SDC3: variants seen among roughly 807,000 people sequenced by gnomAD.
The protein encoded by SDC3 is syndecan 3.
In SDC3, 13 loss-of-function variants were observed where a neutral mutation model predicts 24.4. The ratio of observed to expected loss-of-function variants is 0.53; its 90% CI spans 0.35 to 0.85. The LOEUF is 0.85. Among genes scored for constraint, SDC3 ranks in the 40% least tolerant of loss-of-function variants. SDC3 has a pLI of 0.01. For missense variants in SDC3, 571 were observed against 584.5 expected (o/e 0.98, Z 0.24); for synonymous variants, 295 against 260.9 (o/e 1.13, Z -1.26).
At chr1:30,879,556 C>T (rs941061713) in intron 1 of SDC3, among the ~76,000 whole-genome samples, 3 of 152,162 alleles carry the variant, frequency 2.0e-5, no homozygotes, top group Admixed American at 6.5e-5. Context: ...CCCTCCACAA[C>T]CTGAACCAGC....
intron 1 of SDC3, among the ~76,000 whole-genome samples, chr1:30,889,534 G>A (rs1270537022): frequency 2.0e-5 from 3 of 152,174 alleles, no homozygotes; most frequent in Non-Finnish European, 4.4e-5. Context: ...CTTGGTGGGG[G>A]TTGTTCTAGA....
chr1:30,907,223 G>C (rs1258277536), intron 1 of SDC3, among the ~76,000 whole-genome samples: 1 of 152,176 alleles, frequency 6.6e-6, no homozygotes, highest in Non-Finnish European at 1.5e-5. Context: ...GCTGGACCTA[G>C]AAATCCCCAG....
intron 1 of SDC3, among the ~76,000 whole-genome samples, chr1:30,887,262 G>A (rs1228496124): frequency 1.3e-5 from 2 of 151,540 alleles, no homozygotes; most frequent in South Asian, 4.2e-4. Context: ...CAGCAAACAC[G>A]GCAAGGGTTG....
intron 1 of SDC3, chr1:30,879,000 C>T (rs1273065560): frequency 4.3e-6 from 2 of 465,654 alleles, no homozygotes; most frequent in African/African-American, 3.9e-5. Flanking sequence ...CATTTTTCAT[C>T]TTGACTGCAC....
At chr1:30,873,520 T>A (rs1170164435) in intron 4 of SDC3, 143 bp from the exon 5 acceptor site, 1 of 616,372 alleles carries the variant, frequency 1.6e-6, no homozygotes, top group Non-Finnish European at 2.9e-6. Flanking sequence ...ATACTACTAC[T>A]ACCAGCACTG....
chr1:30,879,977 C>T (rs1244249827), intron 1 of SDC3: 1 of 152,542 alleles, frequency 6.6e-6, no homozygotes, highest in Admixed American at 6.5e-5. Context: ...ACATGCTCAC[C>T]TAAAAGCAGC....
intron 1 of SDC3, among the ~76,000 whole-genome samples, chr1:30,893,425 C>T (rs1425220107): frequency 3.3e-5 from 5 of 151,764 alleles, no homozygotes; most frequent in African/African-American, 1.2e-4. Flanking sequence ...TTTAGCAGCC[C>T]GACCCCCACC....
intron 1 of SDC3, among the ~76,000 whole-genome samples, chr1:30,883,859 G>A (rs1450708289): frequency 6.6e-6 from 1 of 152,200 alleles, no homozygotes; most frequent in Non-Finnish European, 1.5e-5. Flanking sequence ...GCTCCTCGAG[G>A]CAGGGAGGGA....
rs1293142047 is a variant in SDC3, at chr1:30,894,542, G to GTA, written c.138+13906_138+13907insTA. On this transcript the variant is annotated intron_variant, in intron 1 of 4. Coordinates refer to ENST00000339394, the MANE Select transcript of SDC3 (RefSeq NM_014654.4). ...AGTGTGAGTGGGTGAGAGTGTGCGTGGATGAGTGTGTGTGGGTGAGAGTGT... is the reference window on the plus strand; with the variant it reads ...AGTGTGAGTGGGTGAGAGTGTGCGTGTAGATGAGTGTGTGTGGGTGAGAGTGT... Among the ~76,000 whole-genome samples the GTA allele has an allele frequency of 1.3e-4, 19 of 144,882 alleles. 1 individual carries two copies. Among genetic ancestry groups the GTA allele is most frequent in the Admixed American group, 5.6e-4 (8 of 14,408 alleles).
chr1:30,881,658 G>A (rs758835235), intron 1 of SDC3, among the ~76,000 whole-genome samples: 1 of 152,222 alleles, frequency 6.6e-6, no homozygotes, highest in Non-Finnish European at 1.5e-5. Flanking sequence ...AGCGTTCCCA[G>A]GGCACTCTAG....
chr1:30,873,450 G>C, intron 4 of SDC3, 73 bp from the exon 5 acceptor site: 1 of 1,143,564 alleles, frequency 8.7e-7, no homozygotes, highest in Non-Finnish European at 1.3e-6. Flanking sequence ...TCAGGGGTGG[G>C]GGCCAGGGTG....
In SDC3 at chr1:30,877,216, G is replaced by C. The variant is rs769223032; in HGVS notation, c.257-51C>G. 3.0e-5 allele frequency: 48 copies of C among 1,610,760 alleles called. No individual in the cohort carries two copies. The East Asian group carries it at 1.0e-3, about 34-fold the overall frequency. On this transcript the variant is annotated intron_variant, in intron 2 of 4. Transcript: ENST00000339394. ...AGCTAGGGAGCTGGGTGGTTGTGAG[G>C]GGCATGAGGATCCCAGGTAAGCAAT...
In SDC3 at chr1:30,876,760, G is replaced by A. The variant is rs780253075; in HGVS notation, c.662C>T (p.Thr221Met). 91 of 1,587,556 alleles carry A rather than the reference G, an allele frequency of 5.7e-5. No homozygotes were observed. The highest frequency in any genetic ancestry group is 9.1e-5 in the South Asian group (8 of 87,748). ...CGCCTCGGGGGTAGTGGCCCGTGCC[G>A]TAGCCACTGTGGTCAGTGGGAGAGG... The part of the protein sequence containing the change: ...LLPLPLTTVA[T>M]ARATTPEAPS... Residue 221 changes from threonine to methionine, a missense_variant, in exon 3 of 5, where the codon ACG becomes ATG. Physicochemically the swap from Thr to Met is moderately conservative, Grantham distance 81. Around this residue, in one of 2 missense-constraint regions of SDC3, gnomAD observed 497 missense variants for 471.6 expected, o/e 1.05. Transcript: ENST00000339394.
chr1:30,900,682 A>G (rs1323065873), intron 1 of SDC3, among the ~76,000 whole-genome samples: 2 of 152,082 alleles, frequency 1.3e-5, no homozygotes, highest in Non-Finnish European at 2.9e-5. Context: ...AGGTCTAATG[A>G]GCCGCCCACA....
chr1:30,903,115 C>T (rs1216616312), intron 1 of SDC3, among the ~76,000 whole-genome samples: 1 of 152,208 alleles, frequency 6.6e-6, no homozygotes, highest in African/African-American at 2.4e-5. Context: ...CCAAGTCACA[C>T]CCCATCTCTA....
intron 1 of SDC3, among the ~76,000 whole-genome samples, chr1:30,906,482 AC>A (rs766281193): frequency 6.6e-6 from 1 of 152,094 alleles, no homozygotes; most frequent in Non-Finnish European, 1.5e-5. Context: ...AAGTCCTTCC[AC>A]CACCTCGTGG....
chr1:30,882,775 T>A (rs1027393110), intron 1 of SDC3, among the ~76,000 whole-genome samples: 6 of 152,152 alleles, frequency 3.9e-5, no homozygotes, highest in African/African-American at 1.4e-4. Flanking sequence ...CACACCACCA[T>A]GAGCCTTCCT....
chr1:30,895,439 G>A (rs1028761023), intron 1 of SDC3, among the ~76,000 whole-genome samples: 2 of 152,192 alleles, frequency 1.3e-5, no homozygotes, highest in Admixed American at 6.5e-5. Context: ...GCCAGCCAGG[G>A]CTCAGCTCCC....
rs1639524353 is a variant in SDC3, at chr1:30,870,995, G to C, written c.*2216C>G. ...TTGTGGTCTGTGGCCCCAGGACCCA[G>C]CCCTTCTGCTCCAAAGATGACTGAG... On this transcript the variant is annotated 3_prime_UTR_variant, in exon 5 of 5. Transcript: ENST00000339394. The C allele has an allele frequency of 6.6e-6, 1 of 152,420 alleles. No individual in the cohort carries two copies. Among genetic ancestry groups the C allele is most frequent in the Non-Finnish European group, 1.5e-5 (1 of 68,214 alleles). The allele number at this position is 152,420 out of a possible 1,614,324, so 9.4% of individuals were successfully genotyped here. A position where few individuals can be genotyped will look rare whatever the true frequency, so the allele number is the denominator to read the frequency against.
Sources: gnomAD v4.1 joint callset for allele counts (sites outside exome capture counted in the v4.1 genomes callset) on GRCh38, gnomAD v4.1.1 for gene constraint, gnomAD v4.1.1 regional missense constraint, MANE v1.5 for transcripts, NCBI Gene and HGNC (gene_info 2026-07-23, HGNC 2026-07-21) for gene names.